The following PODN variants were observed in gnomAD, a reference collection of about 807,000 sequenced individuals.
PODN encodes podocan proteoglycan.
Under a neutral mutation model 52.7 loss-of-function variants are expected in PODN, and 40 were observed. That is an observed-to-expected ratio of 0.76 (90% confidence interval 0.59 to 0.99). The LOEUF (loss-of-function observed/expected upper bound fraction) is 0.99, where lower values mean the gene tolerates loss of function less well. Among genes scored for constraint, PODN ranks in the 50% least tolerant of loss-of-function variants. The pLI, the probability that PODN is intolerant of heterozygous loss-of-function variation, is 0.00. For missense variants in PODN, 720 were observed against 815.1 expected (o/e 0.88, Z 1.42); for synonymous variants, 396 against 377.9 (o/e 1.05, Z -0.56).
At chr1:53,080,042 G>A (rs1644259639) in intron 8 of PODN, among the ~76,000 whole-genome samples, 1 of 151,274 alleles carries the variant, frequency 6.6e-6, no homozygotes, top group African/African-American at 2.4e-5. Flanking sequence ...GAGAACCTGG[G>A]AGGGAGGGTG....
rs1432417794 is a variant in PODN, at chr1:53,069,951, A to T, written c.96A>T (p.Arg32=). 1 of 1,598,012 alleles carries T rather than the reference A, an allele frequency of 6.3e-7. No individual in the cohort carries two copies. Among genetic ancestry groups the T allele is most frequent in the Admixed American group, 1.7e-5 (1 of 57,550 alleles). The change falls in exon 2 of 11, where the codon CGA becomes CGT. Residue 32 remains arginine, a synonymous_variant. Coordinates refer to ENST00000312553, the MANE Select transcript of PODN (RefSeq NM_153703.5). ...VLAVRAPGFG[R]SGGHSLSPEE... is the part of the protein sequence containing the mutation. The stretch of plus-strand genomic sequence containing the variant: ...CCGTGAGGGCCCCAGGATTTGGCCG[A>T]AGTGGCGGCCACAGCCTGAGCCCCG...
At position 53,078,798 on chromosome 1, in the gene PODN, C is replaced by A. The variant is rs551408418; in HGVS notation, c.1288C>A (p.Arg430Ser). 9.3e-6 allele frequency: 15 copies of A among 1,613,106 alleles called. No homozygotes were observed. The South Asian group carries it at 1.4e-4, about 15-fold the overall frequency. ...GCACCGCGACGCCTTCCGCAAGCTG[C>A]GCCTGCTGCGCTCGCTGGACCTGTC... is the stretch of plus-strand genomic sequence containing the variant. ...QVHRDAFRKL[R>S]LLRSLDLSGN... The change falls in exon 8 of 11, where the codon CGC becomes AGC. Residue 430 changes from arginine (R) to serine (S), a missense_variant. Arg to Ser is a moderately radical substitution (Grantham distance 110). Transcript: ENST00000312553.
At chr1:53,066,847 G>A in intron 1 of PODN, 1 of 1,549,972 alleles carries the variant, frequency 6.5e-7, no homozygotes, top group Non-Finnish European at 8.7e-7. Context: ...TGGAAGGCGA[G>A]GAGGCAGAAC....
At chr1:53,067,566 G>A (rs1320275525) in intron 1 of PODN, among the ~76,000 whole-genome samples, 1 of 152,098 alleles carries the variant, frequency 6.6e-6, no homozygotes, top group East Asian at 1.9e-4. Flanking sequence ...ACTCAGAGGC[G>A]GCTACGATGT....
At chr1:53,079,222 G>A (rs1239421896) in intron 8 of PODN, among the ~76,000 whole-genome samples, 200 bp downstream of exon 8, 2 of 152,260 alleles carry the variant, frequency 1.3e-5, no homozygotes, top group Non-Finnish European at 2.9e-5. Context: ...AGGGGAGGCA[G>A]GAGGTGGGTC....
At chr1:53,080,365 C>A (rs1644277391) in intron 8 of PODN, among the ~76,000 whole-genome samples, 1 of 152,210 alleles carries the variant, frequency 6.6e-6, no homozygotes, top group African/African-American at 2.4e-5. Context: ...TGGGAATGAC[C>A]AAGTCTAATG....
intron 2 of PODN, chr1:53,070,938 T>C (rs980471905): frequency 6.5e-6 from 1 of 152,824 alleles, no homozygotes; most frequent in Non-Finnish European, 1.5e-5. Context: ...TGGTCCTGTG[T>C]AGGGGCTGGG....
At chr1:53,063,481 C>T (rs948121004) in intron 1 of PODN, 1 of 985,452 alleles carries the variant, frequency 1.0e-6, no homozygotes, top group African/African-American at 1.7e-5. Context: ...ACCTTCCACA[C>T]TGGGAAGGCA....
chr1:53,065,388 T>G (rs555801832), intron 1 of PODN, among the ~76,000 whole-genome samples: 2 of 150,826 alleles, frequency 1.3e-5, no homozygotes, highest in Admixed American at 1.3e-4. Flanking sequence ...AAATTTAGAC[T>G]CAGATGGGTC....
rs2150304249 is a variant in PODN, at chr1:53,078,804, C to T, written c.1294C>T (p.Leu432=). ...HRDAFRKLRL[L]RSLDLSGNRL... The stretch of plus-strand genomic sequence containing the variant: ...CGACGCCTTCCGCAAGCTGCGCCTG[C>T]TGCGCTCGCTGGACCTGTCGGGCAA... Residue 432 remains leucine, a synonymous_variant, in exon 8 of 11, where the codon CTG becomes TTG. Coordinates refer to ENST00000312553, the MANE Select transcript of PODN (RefSeq NM_153703.5). The T allele has an allele frequency of 6.2e-7, 1 of 1,613,116 alleles. No homozygotes were observed. Among genetic ancestry groups the T allele is most frequent in the Non-Finnish European group, 8.5e-7 (1 of 1,179,868 alleles).
At position 53,079,004 on chromosome 1, in the gene PODN, G is replaced by T. The variant is rs764826075; in HGVS notation, c.1494G>T (p.Val498=). ...GAGCCCTGGGCCCCCGTGCCTGGGTGGACCTCGCCCATCTGCAGGTAAGCG... is the reference window on the plus strand; with the variant it reads ...GAGCCCTGGGCCCCCGTGCCTGGGTTGACCTCGCCCATCTGCAGGTAAGCG... ...RSRALGPRAW[V]DLAHLQLLDI... is the part of the protein sequence containing the mutation. The change falls in exon 8 of 11, where the codon GTG becomes GTT. Residue 498 remains valine (V), a synonymous_variant. Transcript: ENST00000312553. 2 of 1,557,084 alleles carry T rather than the reference G, an allele frequency of 1.3e-6. No individual in the cohort carries two copies. Among genetic ancestry groups the T allele is most frequent in the Admixed American group, 1.8e-5 (1 of 54,786 alleles).
intron 1 of PODN, among the ~76,000 whole-genome samples, chr1:53,064,443 T>C (rs1337205405): frequency 6.6e-6 from 1 of 152,216 alleles, no homozygotes; most frequent in Non-Finnish European, 1.5e-5. Context: ...GAACATGTAG[T>C]CCCAGGATTT....
chr1:53,082,623 C>G (rs899973), intron 10 of PODN, among the ~76,000 whole-genome samples: 83,369 of 152,116 alleles, frequency 0.55, 26,560 homozygotes, highest in Non-Finnish European at 0.72. Flanking sequence ...CCCCAGACTG[C>G]CGTGGGCAGA....
In PODN at chr1:53,082,869, G is replaced by A. The variant is rs528618020; in HGVS notation, c.*27+681G>A. Among the ~76,000 whole-genome samples the A allele has an allele frequency of 3.3e-5, 5 of 152,300 alleles. No homozygotes were observed. The East Asian group carries it at 9.6e-4, about 29-fold the overall frequency. The stretch of plus-strand genomic sequence containing the variant: ...ACTATGTACATACGTGCACACACGT[G>A]TGTACATGCATGTGAGTACATGCAC... On this transcript the variant is annotated intron_variant, in intron 10 of 10. Transcript: ENST00000312553.
rs113294901 is a variant in PODN at position 53,074,291 on chromosome 1, G to A, written c.407-315G>A. 3.3e-3 allele frequency among the ~76,000 whole-genome samples: 497 copies of A among 152,376 alleles called. 3 individuals are homozygous for A. The highest frequency in any genetic ancestry group is 0.011 in the African/African-American group (472 of 41,596). On this transcript the variant is annotated intron_variant, in intron 3 of 10. Transcript: ENST00000312553. ...GACCTTCTGGGGCTCTCCTGGAGGGGAGGACTTCTTTCTGGCAGGACAGGG... is the reference window on the plus strand; with the variant it reads ...GACCTTCTGGGGCTCTCCTGGAGGGAAGGACTTCTTTCTGGCAGGACAGGG...
At chr1:53,063,049 A>G (rs1201061222) in intron 1 of PODN, among the ~76,000 whole-genome samples, 2 of 151,382 alleles carry the variant, frequency 1.3e-5, no homozygotes, top group East Asian at 3.9e-4. Context: ...CGAATGAGGC[A>G]GAAGCCCCAG....
At chr1:53,066,458 A>T (rs1435905235) in intron 1 of PODN, among the ~76,000 whole-genome samples, 1 of 152,176 alleles carries the variant, frequency 6.6e-6, no homozygotes, top group Non-Finnish European at 1.5e-5. Context: ...TTTGAGATCT[A>T]TGGACACTAC....
intron 3 of PODN, chr1:53,073,511 G>C (rs1442619266): frequency 6.6e-6 from 1 of 152,240 alleles, no homozygotes; most frequent in Non-Finnish European, 1.5e-5. Context: ...CAGGAGAGAG[G>C]CTTCAGAGAA....
At chr1:53,064,378 G>A (rs1340877278) in intron 1 of PODN, among the ~76,000 whole-genome samples, 2 of 152,370 alleles carry the variant, frequency 1.3e-5, no homozygotes, top group South Asian at 2.1e-4. Context: ...TTCTAGGGAT[G>A]GGCAGCAATG....
Sources: gnomAD v4.1 joint callset for allele counts (sites outside exome capture counted in the v4.1 genomes callset) on GRCh38, gnomAD v4.1.1 for gene constraint, MANE v1.5 for transcripts, NCBI Gene and HGNC (gene_info 2026-07-23, HGNC 2026-07-21) for gene names.